The following ZFP14 variants were observed in gnomAD, a reference collection of about 807,000 sequenced individuals.
ZFP14 encodes the protein ZFP14 zinc finger protein.
ZFP14 carries 22 observed loss-of-function variants against 54.5 expected under a neutral mutation model. That is an observed-to-expected ratio of 0.40 (90% CI 0.29 to 0.58). The LOEUF (loss-of-function observed/expected upper bound fraction) is 0.58. Among genes scored for constraint, ZFP14 ranks in the 20% least tolerant of loss-of-function variants. The pLI is 0.39. For synonymous variants in ZFP14, 159 were observed against 204.0 expected (o/e 0.78, Z 1.88); for missense variants, 470 against 637.8 (o/e 0.74, Z 2.83).
At chr19:36,365,892 CG>C (rs1396913238) in intron 2 of ZFP14, among the ~76,000 whole-genome samples, 1 of 148,900 alleles carries the variant, frequency 6.7e-6, no homozygotes. Context: ...CCTGGGAGGT[CG>C]GGGCTGCAGT....
chr19:36,356,840 A>G (rs62112627), intron 4 of ZFP14, among the ~76,000 whole-genome samples: 53,330 of 151,712 alleles, frequency 0.35, 9,560 homozygotes, highest in South Asian at 0.43. Context: ...CAGTTTATTC[A>G]TGGTATTGGT....
intron 3 of ZFP14, among the ~76,000 whole-genome samples, chr19:36,361,811 G>A (rs1464226224): frequency 6.6e-6 from 1 of 152,194 alleles, no homozygotes; most frequent in Non-Finnish European, 1.5e-5. Context: ...TGCAGATGGT[G>A]TGAAGCATTT....
intron 4 of ZFP14, among the ~76,000 whole-genome samples, chr19:36,344,026 G>A (rs994100316): frequency 6.6e-6 from 1 of 152,052 alleles, no homozygotes; most frequent in Non-Finnish European, 1.5e-5. Context: ...GTTTTTTTGA[G>A]ATGGAGTTTC....
chr19:36,344,587 C>T (rs1306779696), intron 4 of ZFP14, among the ~76,000 whole-genome samples: 1 of 152,102 alleles, frequency 6.6e-6, no homozygotes, highest in Non-Finnish European at 1.5e-5. Context: ...GGCCACAGAC[C>T]AGTCCATGGT....
At chr19:36,371,949 TGAAAG>T (rs1479025568) in intron 1 of ZFP14, among the ~76,000 whole-genome samples, 1 of 121,280 alleles carries the variant, frequency 8.2e-6, no homozygotes. Flanking sequence ...CAGAGTGAGA[TGAAAG>T]GAAAGGAAGG....
chr19:36,346,867 T>A (rs1251647895), intron 4 of ZFP14, among the ~76,000 whole-genome samples: 4 of 152,240 alleles, frequency 2.6e-5, no homozygotes, highest in Non-Finnish European at 5.9e-5. Context: ...AAGGTAGAGA[T>A]AACGTCTCTG....
At chr19:36,359,282 A>C in intron 4 of ZFP14, among the ~76,000 whole-genome samples, 1 of 152,216 alleles carries the variant, frequency 6.6e-6, no homozygotes, top group African/African-American at 2.4e-5. Context: ...ATTTTATTAA[A>C]ATTTTTGTAT....
chr19:36,341,263 C>G lies in ZFP14; in HGVS notation c.563G>C (p.Ser188Thr). The change falls in exon 5 of 5, where the codon AGT (serine) becomes ACT (threonine). Residue 188 changes from serine (S) to threonine (T), a missense_variant. By Grantham distance (58) the Ser-to-Thr change is moderately conservative. Coordinates refer to ENST00000270001, the MANE Select transcript of ZFP14 (RefSeq NM_020917.3). This position sits in a 1 kb window ranked among gnomAD's most constrained non-coding sequence, Gnocchi z 4.2. Reference sequence around the variant, plus strand: ...ACCAGTATGAATTCTCAGGTGTTGACTAAGTGTTGAGCGACGAATAAAGGT... The same window carrying G: ...ACCAGTATGAATTCTCAGGTGTTGAGTAAGTGTTGAGCGACGAATAAAGGT... ...RKTFIRRSTL[S>T]QHLRIHTGEK... 1 of 1,614,206 alleles carries G rather than the reference C, an allele frequency of 6.2e-7. No individual in the cohort carries two copies. The highest frequency in any genetic ancestry group is 1.3e-5 in the African/African-American group (1 of 75,064).
intron 1 of ZFP14, 100 bp from the exon 2 acceptor site, chr19:36,368,071 T>A (rs2031822659): frequency 1.6e-6 from 1 of 620,040 alleles, no homozygotes; most frequent in Admixed American, 3.2e-5. Flanking sequence ...CCATTCCTTC[T>A]CCCAAACTAC....
At chr19:36,347,565 C>T (rs1203221700) in intron 4 of ZFP14, among the ~76,000 whole-genome samples, 4 of 151,656 alleles carry the variant, frequency 2.6e-5, no homozygotes, top group South Asian at 2.1e-4. Flanking sequence ...GCCGAGATCA[C>T]GCCACTGCAC....
chr19:36,374,628 T>C (rs1415891409), intron 1 of ZFP14, among the ~76,000 whole-genome samples: 1 of 152,172 alleles, frequency 6.6e-6, no homozygotes, highest in East Asian at 1.9e-4. Context: ...ATCCATACCA[T>C]TGAAAATGAT....
rs147901755 is a variant in ZFP14, at chr19:36,363,491, G to A, written c.10-1253C>T. On this transcript the variant is annotated intron_variant, in intron 2 of 4. Transcript: ENST00000270001. Reference sequence around the variant, plus strand: ...ATTACAGGCGTGAGCCACCGCGCCCGGCCCCCTGTATCAATCATTTTCAAT... The same window carrying A: ...ATTACAGGCGTGAGCCACCGCGCCCAGCCCCCTGTATCAATCATTTTCAAT... 1.0e-3 allele frequency among the ~76,000 whole-genome samples: 158 copies of A among 151,052 alleles called. 1 individual carries two copies. The East Asian group carries it at 0.022, about 21-fold the overall frequency.
chr19:36,362,488 G>A (rs1340158821), intron 2 of ZFP14, among the ~76,000 whole-genome samples: 1 of 152,110 alleles, frequency 6.6e-6, no homozygotes, highest in Non-Finnish European at 1.5e-5. Flanking sequence ...TTCTAGAAAT[G>A]AGTACATAAC....
At chr19:36,346,447 C>T (rs1236047771) in intron 4 of ZFP14, among the ~76,000 whole-genome samples, 1 of 151,890 alleles carries the variant, frequency 6.6e-6, no homozygotes, top group Non-Finnish European at 1.5e-5. Context: ...AGTGACAACT[C>T]CCCATAGAGC....
At chr19:36,374,631 A>G (rs1201997454) in intron 1 of ZFP14, among the ~76,000 whole-genome samples, 2 of 152,226 alleles carry the variant, frequency 1.3e-5, no homozygotes, top group Non-Finnish European at 2.9e-5. Flanking sequence ...CATACCATTG[A>G]AAATGATGCA....
At chr19:36,354,641 T>G (rs2031584908) in intron 4 of ZFP14, among the ~76,000 whole-genome samples, 1 of 142,134 alleles carries the variant, frequency 7.0e-6, no homozygotes, top group Non-Finnish European at 1.6e-5. Context: ...TATTCAAGTA[T>G]CACCTCCTCA....
chr19:36,375,596 T>C (rs12971694), intron 1 of ZFP14, among the ~76,000 whole-genome samples: 97,402 of 143,380 alleles, frequency 0.68, 33,433 homozygotes, highest in African/African-American at 0.76. Flanking sequence ...GACGGAGTCG[T>C]GCCCAGGCTG....
At chr19:36,361,079 T>C (rs1214163796) in intron 3 of ZFP14, among the ~76,000 whole-genome samples, 1 of 152,258 alleles carries the variant, frequency 6.6e-6, no homozygotes, top group Non-Finnish European at 1.5e-5. Context: ...AGCTATTTAC[T>C]GTTATCATTT....
intron 3 of ZFP14, 44 bp downstream of exon 3, chr19:36,362,068 T>C (rs1348402402): frequency 6.4e-7 from 1 of 1,551,320 alleles, no homozygotes; most frequent in Non-Finnish European, 8.7e-7. Context: ...GTCCTGAAAT[T>C]GACAGCAGAG....
Sources: gnomAD v4.1 joint callset for allele counts (sites outside exome capture counted in the v4.1 genomes callset) on GRCh38, gnomAD v4.1.1 for gene constraint, Gnocchi (gnomAD v3.1) non-coding constraint, MANE v1.5 for transcripts, NCBI Gene and HGNC (gene_info 2026-07-23, HGNC 2026-07-21) for gene names.